Variants in PCARE observed in about 807,000 individuals in gnomAD.
The protein encoded by PCARE is photoreceptor cilium actin regulator.
A neutral mutation model predicts 82.2 loss-of-function variants in PCARE; 72 were observed. The observed-to-expected ratio is 0.88, with a 90% CI of 0.72 to 1.07. PCARE has a LOEUF of 1.07. Ranked by LOEUF, PCARE falls within the 50% of genes least tolerant of loss-of-function variation. The pLI is 0.00. For synonymous variants in PCARE, 705 were observed against 634.8 expected (o/e 1.11, Z -1.66); for missense variants, 1,768 against 1,592.4 (o/e 1.11, Z -1.88).
chr2:29,072,936 A>G lies in PCARE; in HGVS notation c.1326T>C (p.Asn442=), dbSNP rs1023078951. 1.2e-6 allele frequency: 2 copies of G among 1,613,720 alleles called. No individual in the cohort carries two copies. The highest frequency in any genetic ancestry group is 1.3e-5 in the African/African-American group (1 of 74,780). Residue 442 remains asparagine (N), a synonymous_variant, in exon 1 of 2, where the codon AAT becomes AAC. Transcript: ENST00000331664. ...CCAGCTTCAAAGGTGGGGAGGTGATATTTTCTGGGCTTGTACTGGAGAGGC... is the reference window on the plus strand; with the variant it reads ...CCAGCTTCAAAGGTGGGGAGGTGATGTTTTCTGGGCTTGTACTGGAGAGGC... ...SPCLSSTSPE[N]ITSPPLKLGT...
chr2:29,071,399 G>A lies in PCARE; in HGVS notation c.2863C>T (p.Arg955Trp), dbSNP rs750992193. The A allele has an allele frequency of 5.6e-6, 9 of 1,613,556 alleles. No individual in the cohort carries two copies. Among genetic ancestry groups the A allele is most frequent in the South Asian group, 2.2e-5 (2 of 91,094 alleles). Reference sequence around the variant, plus strand: ...GAGTGGTGCCAGGCGATGGCCTTCCGGGGCTGCCTGTAGAGGCTGGTGGCC... The same window carrying A: ...GAGTGGTGCCAGGCGATGGCCTTCCAGGGCTGCCTGTAGAGGCTGGTGGCC... ...EKATSLYRQP[R>W]KAIAWHHSGP... Residue 955 changes from arginine (R) to tryptophan (W), a missense_variant, in exon 1 of 2, where the codon CGG becomes TGG. By Grantham distance (101) the Arg-to-Trp change is moderately radical. Coordinates refer to ENST00000331664, the MANE Select transcript of PCARE (RefSeq NM_001029883.3).
rs377190272 is a variant in PCARE at position 29,072,467 on chromosome 2, A to G, written c.1795T>C (p.Cys599Arg). The change falls in exon 1 of 2, where the codon TGT becomes CGT. Residue 599 changes from cysteine to arginine, a missense_variant. Coordinates refer to ENST00000331664, the MANE Select transcript of PCARE (RefSeq NM_001029883.3). ...GGGTCCTCCACGTGACTCTGGAGAC[A>G]CGACTCTGACTGGGACCTCGTCTGC... ...ERQTRSQSES[C>R]LQSHVEDPTF... 6.2e-6 allele frequency: 10 copies of G among 1,614,220 alleles called. No individual in the cohort carries two copies. Among genetic ancestry groups the G allele is most frequent in the Non-Finnish European group, 8.5e-6 (10 of 1,180,022 alleles).
Position 29,064,852 on chromosome 2 carries a change from G to T in PCARE, c.*17C>A, listed in dbSNP as rs759663807. 5.6e-6 allele frequency: 9 copies of T among 1,609,334 alleles called. No homozygotes were observed. The Admixed American group carries it at 1.3e-4, about 24-fold the overall frequency. On this transcript the variant is annotated 3_prime_UTR_variant, in exon 2 of 2. Transcript: ENST00000331664. ...CTTCTGGGGTGACTGCGTGAGTGTGGCCCCCTCGTCAGCCTGTCAGGACAC... is the reference window on the plus strand; with the variant it reads ...CTTCTGGGGTGACTGCGTGAGTGTGTCCCCCTCGTCAGCCTGTCAGGACAC...
chr2:29,070,671 G>A lies in PCARE; in HGVS notation c.3591C>T (p.Arg1197=), dbSNP rs1429067122. 8.7e-6 allele frequency: 14 copies of A among 1,614,054 alleles called. No homozygotes were observed. Among genetic ancestry groups the A allele is most frequent in the Non-Finnish European group, 1.2e-5 (14 of 1,180,042 alleles). Residue 1197 remains arginine (R), a synonymous_variant, in exon 1 of 2, where the codon CGC becomes CGT. Transcript: ENST00000331664. ...GAGGCTGCGGTCGGCCACCTGGCTG[G>A]CGGTCAGAAGCTGTCCTCCTGAGGA... ...LPFLRRTASD[R]QPGGRPQPPT... is the part of the protein sequence containing the mutation.
Position 29,073,571 on chromosome 2 carries a change from G to A in PCARE, c.691C>T (p.Gln231Ter). ...FLLLCFEEIS[Q>*]LLGEISKDGE... ...TCCTTGGAGATCTCCCCCAACAGCT[G>A]GCTGATCTCCTCAAAGCACAGCAGC... is the stretch of plus-strand genomic sequence containing the variant. The change falls in exon 1 of 2, where the codon CAG becomes TAG. Residue 231 changes from glutamine to a stop codon, truncating the protein, a stop_gained. Coordinates refer to ENST00000331664, the MANE Select transcript of PCARE (RefSeq NM_001029883.3). LOFTEE classifies it high-confidence loss of function. 6.2e-7 allele frequency: 1 copy of A among 1,614,176 alleles called. No homozygotes were observed. The highest frequency in any genetic ancestry group is 8.5e-7 in the Non-Finnish European group (1 of 1,180,034).
chr2:29,073,131 G>A lies in PCARE; in HGVS notation c.1131C>T (p.Pro377=), dbSNP rs1236713028. The A allele has an allele frequency of 1.2e-5, 19 of 1,613,938 alleles. No homozygotes were observed. Among genetic ancestry groups the A allele is most frequent in the African/African-American group, 2.7e-5 (2 of 74,866 alleles). Residue 377 remains proline, a synonymous_variant, in exon 1 of 2, where the codon CCC becomes CCT. Transcript: ENST00000331664. The part of the protein sequence containing the change: ...KQTSWDLAPE[P]EEWKSVTSPH... Reference sequence around the variant, plus strand: ...GTGAAGTCACCGACTTCCATTCTTCGGGCTCTGGTGCAAGGTCCCAGCTGG... The same window carrying A: ...GTGAAGTCACCGACTTCCATTCTTCAGGCTCTGGTGCAAGGTCCCAGCTGG...
In PCARE at chr2:29,072,905, T is replaced by C. The variant is rs772727943; in HGVS notation, c.1357A>G (p.Ser453Gly). The change falls in exon 1 of 2, where the codon AGC becomes GGC. Residue 453 changes from serine (S) to glycine (G), a missense_variant. Coordinates refer to ENST00000331664, the MANE Select transcript of PCARE (RefSeq NM_001029883.3). ...ATCCCAAAGGAATCACATGGGGTGC[T>C]TGTCCCCAGCTTCAAAGGTGGGGAG... ...ITSPPLKLGT[S>G]TPCDSFGIGV... 6.2e-7 allele frequency: 1 copy of C among 1,614,164 alleles called. No homozygotes were observed. The highest frequency in any genetic ancestry group is 8.5e-7 in the Non-Finnish European group (1 of 1,180,026).
Position 29,070,869 on chromosome 2 carries a change from A to T in PCARE, c.3393T>A (p.Phe1131Leu). ...SIFCPATSSL[F>L]EAKPPLSTAH... ...CTGTTGAGAGTGGCGGTTTAGCTTC[A>T]AACAGAGAGGAGGTAGCTGGGCAGA... Residue 1131 changes from phenylalanine to leucine, a missense_variant, in exon 1 of 2, where the codon TTT (phenylalanine) becomes TTA (leucine). Phe to Leu is a conservative substitution (Grantham distance 22, BLOSUM62 0). Transcript: ENST00000331664. 1 of 1,613,690 alleles carries T rather than the reference A, an allele frequency of 6.2e-7. No homozygotes were observed. The highest frequency in any genetic ancestry group is 2.2e-5 in the East Asian group (1 of 44,870).
chr2:29,071,053 A>T lies in PCARE; in HGVS notation c.3209T>A (p.Val1070Asp), dbSNP rs751265913. The change falls in exon 1 of 2, where the codon GTC (valine) becomes GAC (aspartate). Residue 1070 changes from valine (V) to aspartate (D), a missense_variant. Physicochemically the swap from Val to Asp is radical, Grantham distance 152. Coordinates refer to ENST00000331664, the MANE Select transcript of PCARE (RefSeq NM_001029883.3). ...PPESAPAQCKVPSPPTQHPEA... is the reference protein window; with the variant it reads ...PPESAPAQCKDPSPPTQHPEA... ...TGGGTGCTGGGTTGGGGGGCTGGGGACCTTGCACTGAGCAGGTGCACTCTC... is the reference window on the plus strand; with the variant it reads ...TGGGTGCTGGGTTGGGGGGCTGGGGTCCTTGCACTGAGCAGGTGCACTCTC... 1 of 1,116,368 alleles carries T rather than the reference A, an allele frequency of 9.0e-7. No individual in the cohort carries two copies. Among genetic ancestry groups the T allele is most frequent in the Admixed American group, 2.2e-5 (1 of 44,712 alleles). 69.2% of individuals were successfully genotyped at this position (1,116,368 alleles called of 1,614,324 possible).
Position 29,073,628 on chromosome 2 carries a change from G to C in PCARE, c.634C>G (p.Arg212Gly). 1 of 1,614,166 alleles carries C rather than the reference G, an allele frequency of 6.2e-7. No homozygotes were observed. Among genetic ancestry groups the C allele is most frequent in the Non-Finnish European group, 8.5e-7 (1 of 1,180,020 alleles). Residue 212 changes from arginine (R) to glycine (G), a missense_variant, in exon 1 of 2, where the codon CGG (arginine) becomes GGG (glycine). Transcript: ENST00000331664. ...LCIIHQATQT[R>G]ELLQPMVSFL... is the part of the protein sequence containing the mutation. ...CTGACCATGGGCTGCAGCAGCTCCC[G>C]GGTCTGGGTGGCCTGATGGATGATG...
Position 29,073,346 on chromosome 2 carries a change from G to T in PCARE, c.916C>A (p.His306Asn), listed in dbSNP as rs779150702. The stretch of plus-strand genomic sequence containing the variant: ...TTTGTGCTCAGCTTATTTTCCAAGT[G>T]GGTTGCAGTGGAGTGGAGGTAGCTG... Reference protein sequence around the residue: ...SSSYLHSTATHLENKLSTKRN... With the variant: ...SSSYLHSTATNLENKLSTKRN... The change falls in exon 1 of 2, where the codon CAC becomes AAC. Residue 306 changes from histidine to asparagine, a missense_variant. Transcript: ENST00000331664. 1.9e-6 allele frequency: 3 copies of T among 1,613,974 alleles called. No individual in the cohort carries two copies. The highest frequency in any genetic ancestry group is 2.5e-6 in the Non-Finnish European group (3 of 1,180,040).
In PCARE at chr2:29,064,886, G is replaced by C. The variant is rs1300325232; in HGVS notation, c.3850C>G (p.Gln1284Glu). ...TCAGCCTGTCAGGACACCTCCTCTT[G>C]CTGGGGCTGCGCCTCTGGCTGGGAT... ...DKSQPEAQPQ[Q>E]EEVS Residue 1284 changes from glutamine (Q) to glutamate (E), a missense_variant, in exon 2 of 2, where the codon CAA becomes GAA. By Grantham distance (29) the Gln-to-Glu change is conservative (BLOSUM62 2). Coordinates refer to ENST00000331664, the MANE Select transcript of PCARE (RefSeq NM_001029883.3). 3.1e-6 allele frequency: 5 copies of C among 1,611,564 alleles called. No individual in the cohort carries two copies. The Admixed American group carries it at 8.3e-5, about 27-fold the overall frequency.
At position 29,074,033 on chromosome 2, in the gene PCARE, G is replaced by A; in HGVS notation, c.229C>T (p.Leu77Phe). The stretch of plus-strand genomic sequence containing the variant: ...TTGCCTGAAGCAGGATCTCCCATGA[G>A]CTGACAAAGACCTTTAGCTGTGGTT... The part of the protein sequence containing the change: ...NQTTAKGLCQ[L>F]MGDPASGKRK... Residue 77 changes from leucine to phenylalanine, a missense_variant, in exon 1 of 2, where the codon CTC becomes TTC. Physicochemically the swap from Leu to Phe is conservative, Grantham distance 22. Coordinates refer to ENST00000331664, the MANE Select transcript of PCARE (RefSeq NM_001029883.3). 6.2e-7 allele frequency: 1 copy of A among 1,614,190 alleles called. No homozygotes were observed. Among genetic ancestry groups the A allele is most frequent in the Non-Finnish European group, 8.5e-7 (1 of 1,180,036 alleles).
chr2:29,071,644 G>C lies in PCARE; in HGVS notation c.2618C>G (p.Thr873Ser). 1 of 1,613,882 alleles carries C rather than the reference G, an allele frequency of 6.2e-7. No individual in the cohort carries two copies. The highest frequency in any genetic ancestry group is 8.5e-7 in the Non-Finnish European group (1 of 1,179,874). ...CTTTGGGGAAGCCCATGTTCTCCTG[G>C]TGGGGCCAGCCTCTCCCGGCCCTGG... is the stretch of plus-strand genomic sequence containing the variant. ...QEPGPGEAGP[T>S]RRTWASPKLR... is the part of the protein sequence containing the mutation. The change falls in exon 1 of 2, where the codon ACC becomes AGC. Residue 873 changes from threonine to serine, a missense_variant. Transcript: ENST00000331664.
In PCARE at chr2:29,062,902, C is replaced by G. The variant is rs1460737075; in HGVS notation, c.*1967G>C. 3 of 152,280 alleles carry G rather than the reference C, an allele frequency of 2.0e-5. No homozygotes were observed. The highest frequency in any genetic ancestry group is 4.4e-5 in the Non-Finnish European group (3 of 68,082). The allele number at this position is 152,280 out of a possible 1,614,324, so 9.4% of individuals were successfully genotyped here. A position where few individuals can be genotyped will look rare whatever the true frequency, so the allele number is the denominator to read the frequency against. ...CAGCTGGGGAACAGCTTCGTTTCCT[C>G]GGACCTCCAGGAATCCTGCCCCTAA... On this transcript the variant is annotated 3_prime_UTR_variant, in exon 2 of 2. Coordinates refer to ENST00000331664, the MANE Select transcript of PCARE (RefSeq NM_001029883.3).
At chr2:29,067,940 TGAG>T (rs1317538563) in intron 1 of PCARE, among the ~76,000 whole-genome samples, 2 of 152,252 alleles carry the variant, frequency 1.3e-5, no homozygotes, top group East Asian at 1.9e-4. Context: ...TGCCCTATTC[TGAG>T]GAGAAGGCTG....
In PCARE at chr2:29,072,268, C is replaced by T; in HGVS notation, c.1994G>A (p.Arg665Lys). 6.2e-7 allele frequency: 1 copy of T among 1,614,252 alleles called. No individual in the cohort carries two copies. The highest frequency in any genetic ancestry group is 8.5e-7 in the Non-Finnish European group (1 of 1,180,050). The part of the protein sequence containing the change: ...CRVSPSNTTS[R>K]LKASLTKNFS... ...GTTCTTGGTGAGGGATGCCTTGAGCCTGCTGGTGGTGTTGCTTGGACTGAC... is the reference window on the plus strand; with the variant it reads ...GTTCTTGGTGAGGGATGCCTTGAGCTTGCTGGTGGTGTTGCTTGGACTGAC... Residue 665 changes from arginine to lysine, a missense_variant, in exon 1 of 2, where the codon AGG becomes AAG. By Grantham distance (26) the Arg-to-Lys change is conservative (BLOSUM62 2). Transcript: ENST00000331664.
At position 29,062,095 on chromosome 2, in the gene PCARE, C is replaced by G. The variant is rs1300541745; in HGVS notation, c.*2774G>C. On this transcript the variant is annotated 3_prime_UTR_variant, in exon 2 of 2. Coordinates refer to ENST00000331664, the MANE Select transcript of PCARE (RefSeq NM_001029883.3). ...CGCCTGCTCCTATGTCGGCTCAGCA[C>G]TGCTTCACCTTTGACCTAATTGACC... The G allele has an allele frequency of 6.6e-6, 1 of 152,256 alleles. No homozygotes were observed. Among genetic ancestry groups the G allele is most frequent in the Non-Finnish European group, 1.5e-5 (1 of 68,082 alleles). 9.4% of individuals were successfully genotyped at this position (152,256 alleles called of 1,614,324 possible). A position where few individuals can be genotyped will look rare whatever the true frequency, so the allele number is the denominator to read the frequency against.
In PCARE at chr2:29,074,200, A is replaced by G; in HGVS notation, c.62T>C (p.Phe21Ser). 1.2e-6 allele frequency: 2 copies of G among 1,601,116 alleles called. No individual in the cohort carries two copies. The highest frequency in any genetic ancestry group is 1.7e-6 in the Non-Finnish European group (2 of 1,172,902). The change falls in exon 1 of 2, where the codon TTC (phenylalanine) becomes TCC (serine). Residue 21 changes from phenylalanine to serine, a missense_variant. Physicochemically the swap from Phe to Ser is radical, Grantham distance 155. Coordinates refer to ENST00000331664, the MANE Select transcript of PCARE (RefSeq NM_001029883.3). Reference sequence around the variant, plus strand: ...CCGAATTGCTTTGGGCTTTTTCAAGAACTGAATGCCACTCTTTGCAACGCT... The same window carrying G: ...CCGAATTGCTTTGGGCTTTTTCAAGGACTGAATGCCACTCTTTGCAACGCT... ...VNSVAKSGIQ[F>S]LKKPKAIRPG...
Sources: allele counts gnomAD v4.1 joint callset (sites outside exome capture counted in the v4.1 genomes callset), GRCh38; gene constraint gnomAD v4.1.1; transcripts MANE v1.5; gene names NCBI Gene and HGNC (gene_info 2026-07-23, HGNC 2026-07-21).